The following LINGO1 variants were observed in gnomAD, a reference collection of about 807,000 sequenced individuals.
LINGO1 encodes the protein leucine rich repeat and Ig domain containing 1, also known as leucine-rich repeat and immunoglobulin-like domain-containing nogo receptor-interacting protein 1.
LINGO1 carries 11 observed loss-of-function variants against 37.3 expected under a neutral mutation model. The observed-to-expected ratio is 0.29, with a 90% CI of 0.19 to 0.49. The LOEUF (loss-of-function observed/expected upper bound fraction) is 0.49, where lower values mean the gene tolerates loss of function less well. Ranked by LOEUF, LINGO1 falls within the 20% of genes least tolerant of loss-of-function variation. LINGO1 has a pLI of 0.99. For missense variants in LINGO1, 585 were observed against 878.2 expected, an observed-to-expected ratio of 0.67 and a Z score of 4.22; for synonymous variants, 387 against 403.0, an observed-to-expected ratio of 0.96 and a Z score of 0.48.
intron 1 of LINGO1, among the ~76,000 whole-genome samples, chr15:77,803,453 C>A (rs1221967654): frequency 2.0e-5 from 3 of 149,982 alleles, no homozygotes; most frequent in Admixed American, 1.3e-4. Flanking sequence ...TCCAAACAAA[C>A]AGACAAACAA....
At chr15:77,629,840 T>C (rs144925379) in intron 1 of LINGO1, among the ~76,000 whole-genome samples, 33 of 152,134 alleles carry the variant, frequency 2.2e-4, no homozygotes, top group South Asian at 1.9e-3. Context: ...GCTGGTACAA[T>C]ATTCAGTGCA....
intron 2 of LINGO1, among the ~76,000 whole-genome samples, chr15:77,683,243 G>A (rs966247031): frequency 1.3e-5 from 2 of 152,120 alleles, no homozygotes; most frequent in Non-Finnish European, 2.9e-5. Flanking sequence ...AGGATGGTAT[G>A]GGGAAATGGT....
intron 1 of LINGO1, among the ~76,000 whole-genome samples, chr15:77,817,109 G>T (rs936910935): frequency 6.6e-6 from 1 of 152,192 alleles, no homozygotes; most frequent in East Asian, 1.9e-4. Context: ...GGAGGCCACC[G>T]CCAGGATCCA....
chr15:77,796,462 G>C (rs541346617), intron 1 of LINGO1, among the ~76,000 whole-genome samples: 1 of 152,278 alleles, frequency 6.6e-6, no homozygotes, highest in South Asian at 2.1e-4. Flanking sequence ...ATCCATAAAA[G>C]AAAAATACCA....
chr15:77,646,531 T>C, intron 3 of LINGO1: 1 of 438,006 alleles, frequency 2.3e-6, no homozygotes, highest in South Asian at 1.7e-5. Flanking sequence ...TAAGCAGGTG[T>C]GGCACACACA....
chr15:77,790,910 AC>A (rs1427319156), upstream of LINGO1, among the ~76,000 whole-genome samples: 1 of 152,136 alleles, frequency 6.6e-6, no homozygotes, highest in African/African-American at 2.4e-5. Context: ...AGGTCAGAGG[AC>A]CACGATCTCA....
upstream of LINGO1, among the ~76,000 whole-genome samples, chr15:77,635,732 A>ACCCTGGTGGCGTGCCTTTTCC (rs1567476186): frequency 2.0e-5 from 3 of 152,180 alleles, no homozygotes; most frequent in African/African-American, 7.2e-5. Context: ...CTCTCCCCAG[A>ACCCTGGTGGCGTGCCTTTTCC]CTGAAATGAC....
At chr15:77,750,245 C>T (rs1596188111) in intron 1 of LINGO1, among the ~76,000 whole-genome samples, 1 of 152,160 alleles carries the variant, frequency 6.6e-6, no homozygotes, top group Non-Finnish European at 1.5e-5. Flanking sequence ...CCCGTGAGGC[C>T]GCCTCCTGCT....
At chr15:77,760,781 G>A (rs771412135) in intron 1 of LINGO1, among the ~76,000 whole-genome samples, 1 of 152,164 alleles carries the variant, frequency 6.6e-6, no homozygotes, top group Admixed American at 6.5e-5. Context: ...GAATAAGTGA[G>A]TACATCCTGG....
rs575691678 is a variant in LINGO1, at chr15:77,732,076, C to A, written c.-195+2916G>T. Among the ~76,000 whole-genome samples, 7 of 152,366 alleles carry A rather than the reference C, an allele frequency of 4.6e-5. No homozygotes were observed. The South Asian group carries it at 1.4e-3, about 32-fold the overall frequency. ...CGTGCCAGGTCATGCATCATCTCAT[C>A]TCATCTTCCCAATATGCCTATGAGA... is the stretch of plus-strand genomic sequence containing the variant. On this transcript the variant is annotated intron_variant, in intron 2 of 3. Transcript: ENST00000561686.
At chr15:77,743,484 C>G (rs898656529) in intron 1 of LINGO1, among the ~76,000 whole-genome samples, 6 of 152,160 alleles carry the variant, frequency 3.9e-5, no homozygotes, top group African/African-American at 1.4e-4. Flanking sequence ...ACCTTAAAGA[C>G]AGGTAGGCTG....
upstream of LINGO1, among the ~76,000 whole-genome samples, chr15:77,701,197 G>GA (rs1384346281): frequency 4.6e-5 from 7 of 152,166 alleles, no homozygotes; most frequent in East Asian, 1.3e-3. Flanking sequence ...GCTGAAAGGT[G>GA]AATGACACAG....
Position 77,613,953 on chromosome 15 carries a change from A to C in LINGO1, c.*91T>G. The C allele has an allele frequency of 9.8e-7, 1 of 1,024,014 alleles. No individual in the cohort carries two copies. The highest frequency in any genetic ancestry group is 1.4e-6 in the Non-Finnish European group (1 of 708,130). The allele number at this position is 1,024,014 out of a possible 1,614,324, so 63.4% of individuals were successfully genotyped here. On this transcript the variant is annotated 3_prime_UTR_variant, in exon 2 of 2. Coordinates refer to ENST00000355300, the MANE Select transcript of LINGO1 (RefSeq NM_032808.7). ...AGAGAACGTGTGTAGAAGGGTAGGG[A>C]GGAGGTGGGAAGGACTGGAGAGTGA...
chr15:77,682,183 A>G (rs2075426776), intron 2 of LINGO1, among the ~76,000 whole-genome samples: 1 of 140,316 alleles, frequency 7.1e-6, no homozygotes, highest in Non-Finnish European at 1.5e-5. Flanking sequence ...TTCCTCTGCC[A>G]CTTACTAACT....
At position 77,777,934 on chromosome 15, in the gene LINGO1, A is replaced by T. The variant is rs145141652; in HGVS notation, c.-257+8935T>A. ...GCAAGACCTTGTCTCAAAAGAAAAG[A>T]GGAAGGAAGGAAGGAATGAAGGAAG... On this transcript the variant is annotated intron_variant, in intron 1 of 3. Coordinates refer to the LINGO1 transcript ENST00000561686. Among the ~76,000 whole-genome samples the T allele has an allele frequency of 9.0e-5, 12 of 133,834 alleles. No homozygotes were observed. The Admixed American group carries it at 9.4e-4, about 10-fold the overall frequency. The allele number at this position is 133,834 out of a possible 152,430, so 87.8% of individuals were successfully genotyped here. A position where few individuals can be genotyped will look rare whatever the true frequency, so the allele number is the denominator to read the frequency against.
intron 2 of LINGO1, among the ~76,000 whole-genome samples, chr15:77,682,313 TA>T (rs370032904): frequency 2.7e-5 from 4 of 146,186 alleles, no homozygotes; most frequent in African/African-American, 5.2e-5. Flanking sequence ...TGTGTGTGTG[TA>T]GTGTCTCGTC....
chr15:77,708,423 G>A (rs905325745), intron 2 of LINGO1, among the ~76,000 whole-genome samples: 2 of 152,214 alleles, frequency 1.3e-5, no homozygotes, highest in Non-Finnish European at 2.9e-5. Context: ...GAAGCCACAG[G>A]GTGGAAGTCT....
At chr15:77,743,421 G>A (rs889851835) in intron 1 of LINGO1, among the ~76,000 whole-genome samples, 2 of 152,116 alleles carry the variant, frequency 1.3e-5, no homozygotes, top group Non-Finnish European at 2.9e-5. Flanking sequence ...GATTCTTGAG[G>A]GGACAGCATC....
chr15:77,778,667 G>T (rs1395994822), intron 1 of LINGO1, among the ~76,000 whole-genome samples: 1 of 152,146 alleles, frequency 6.6e-6, no homozygotes, highest in Non-Finnish European at 1.5e-5. Flanking sequence ...AATCTATCCA[G>T]AATCAACCAC....
Sources: gnomAD v4.1 joint callset for allele counts (sites outside exome capture counted in the v4.1 genomes callset) on GRCh38, gnomAD v4.1.1 for gene constraint, MANE v1.5 for transcripts, NCBI Gene and HGNC (gene_info 2026-07-23, HGNC 2026-07-21) for gene names.